The following RASSF2 variants were observed in gnomAD, a reference collection of about 807,000 sequenced individuals.
RASSF2 encodes the protein ras association domain-containing protein 2.
RASSF2 carries 34 observed loss-of-function variants against 46.3 expected under a neutral mutation model. The observed-to-expected ratio is 0.73, with a 90% CI of 0.56 to 0.98. The LOEUF is 0.98. Ranked by LOEUF, RASSF2 falls within the 50% of genes least tolerant of loss-of-function variation. RASSF2 has a pLI of 0.00. For synonymous variants in RASSF2, 158 were observed against 162.5 expected (o/e 0.97, Z 0.21); for missense variants, 364 against 431.2 (o/e 0.84, Z 1.38).
rs1460237708 is a variant in RASSF2, at chr20:4,812,284, C to T, written c.-33+10045G>A. ...CCATCACTGCCTGGACTCCTTTAAC[C>T]CCTACACCAACCTCATTACGAAAGA... On this transcript the variant is annotated intron_variant, in intron 2 of 11. Transcript: ENST00000379400. This position sits in a 1 kb window ranked among gnomAD's most constrained non-coding sequence, Gnocchi z 4.0. Among the ~76,000 whole-genome samples the T allele has an allele frequency of 6.6e-6, 1 of 152,202 alleles. No individual in the cohort carries two copies. Among genetic ancestry groups the T allele is most frequent in the Non-Finnish European group, 1.5e-5 (1 of 68,040 alleles).
Position 4,788,214 on chromosome 20 carries a change from T to TA in RASSF2, c.691+2dup. 6.3e-7 allele frequency: 1 copy of TA among 1,589,746 alleles called. No individual in the cohort carries two copies. Among genetic ancestry groups the TA allele is most frequent in the Non-Finnish European group, 8.6e-7 (1 of 1,157,856 alleles). On this transcript the variant is annotated splice_region_variant and intron_variant, in intron 9 of 11. Coordinates refer to ENST00000379400, the MANE Select transcript of RASSF2 (RefSeq NM_014737.3). Reference sequence around the variant, plus strand: ...TAAAGTACACTGTGGTCTTCAGACTTACCACCACTCGTATGGACCACGTAC... The same window carrying TA: ...TAAAGTACACTGTGGTCTTCAGACTTAACCACCACTCGTATGGACCACGTAC...
chr20:4,790,668 G>T lies in RASSF2; in HGVS notation c.377-57C>A. On this transcript the variant is annotated intron_variant, in intron 6 of 11. Transcript: ENST00000379400. This position sits in a 1 kb window ranked among gnomAD's most constrained non-coding sequence, Gnocchi z 4.3. ...GTCTGGACCTGGGACATGGCACATG[G>T]TCCCCAATTTGTGGCCAGTGCGACA... 6.9e-7 allele frequency: 1 copy of T among 1,441,740 alleles called. No homozygotes were observed. Among genetic ancestry groups the T allele is most frequent in the Non-Finnish European group, 9.2e-7 (1 of 1,089,758 alleles). The allele number at this position is 1,441,740 out of a possible 1,614,324, so 89.3% of individuals were successfully genotyped here.
In RASSF2 at chr20:4,784,003, T is replaced by G. The variant is rs895544837; in HGVS notation, c.*270A>C. ...GGTAGGCACATGGACACGTACCATGTGTGCACACACATGTACACACACACA... is the reference window on the plus strand; with the variant it reads ...GGTAGGCACATGGACACGTACCATGGGTGCACACACATGTACACACACACA... On this transcript the variant is annotated 3_prime_UTR_variant, in exon 12 of 12. Transcript: ENST00000379400. 4.2e-6 allele frequency: 2 copies of G among 475,756 alleles called. No individual in the cohort carries two copies. Among genetic ancestry groups the G allele is most frequent in the African/African-American group, 1.9e-5 (1 of 51,718 alleles). The allele number at this position is 475,756 out of a possible 1,614,324, so 29.5% of individuals were successfully genotyped here. A position where few individuals can be genotyped will look rare whatever the true frequency, so the allele number is the denominator to read the frequency against.
Position 4,780,991 on chromosome 20 carries a change from G to C in RASSF2, c.*3282C>G, listed in dbSNP as rs955965694. 1 of 149,936 alleles carries C rather than the reference G, an allele frequency of 6.7e-6. No individual in the cohort carries two copies. The highest frequency in any genetic ancestry group is 1.5e-5 in the Non-Finnish European group (1 of 67,058). 9.3% of individuals were successfully genotyped at this position (149,936 alleles called of 1,614,324 possible). On this transcript the variant is annotated 3_prime_UTR_variant, in exon 12 of 12. Transcript: ENST00000379400. Reference sequence around the variant, plus strand: ...CTCAAAAAAAAAAAAAAGAAAGAAAGAAACCTCTCTCGGCGATGTATCTGT... The same window carrying C: ...CTCAAAAAAAAAAAAAAGAAAGAAACAAACCTCTCTCGGCGATGTATCTGT...
At chr20:4,798,171 C>T (rs962964984) in intron 3 of RASSF2, 86 bp from the exon 4 acceptor site, 1 of 1,555,488 alleles carries the variant, frequency 6.4e-7, no homozygotes, top group Non-Finnish European at 8.7e-7. Flanking sequence ...CACCTCTCAC[C>T]TGGCCTTCAG....
At chr20:4,804,226 T>C (rs187092568) in intron 2 of RASSF2, among the ~76,000 whole-genome samples, 245 of 152,120 alleles carry the variant, frequency 1.6e-3, no homozygotes, top group African/African-American at 5.4e-3. Flanking sequence ...TTGGTCTCTC[T>C]AAATTTTAAA....
rs200446635 is a variant in RASSF2 at position 4,798,056 on chromosome 20, T to C, written c.89A>G (p.Tyr30Cys). The C allele has an allele frequency of 2.4e-4, 382 of 1,613,826 alleles. No homozygotes were observed. The highest frequency in any genetic ancestry group is 3.0e-4 in the Non-Finnish European group (357 of 1,179,896). Reference protein sequence around the residue: ...KNELLLHLKTYNLYYEGQNLQ... With the variant: ...KNELLLHLKTCNLYYEGQNLQ... ...ATTCTGGCCTTCATAGTACAAGTTG[T>C]AGGTCTTCAGATGCAAGAGAAGTTC... The change falls in exon 4 of 12, where the codon TAC (tyrosine) becomes TGC (cysteine). Residue 30 changes from tyrosine (Y) to cysteine (C), a missense_variant. Coordinates refer to ENST00000379400, the MANE Select transcript of RASSF2 (RefSeq NM_014737.3).
chr20:4,802,666 G>A (rs1405401162), intron 2 of RASSF2, among the ~76,000 whole-genome samples: 1 of 151,962 alleles, frequency 6.6e-6, no homozygotes, highest in African/African-American at 2.4e-5. Flanking sequence ...AAAGTAGAAC[G>A]GTGGTTGCCA....
chr20:4,795,983 C>CA lies in RASSF2; in HGVS notation c.136-18dup. On this transcript the variant is annotated splice_polypyrimidine_tract_variant and intron_variant, in intron 4 of 11. Transcript: ENST00000379400. This position sits in a 1 kb window ranked among gnomAD's most constrained non-coding sequence, Gnocchi z 4.0. ...GTCTTCTTCCTGCCCACAAAGCAATCAGAGTAGTGAGCCTAGAAAAGCCCC... is the reference window on the plus strand; with the variant it reads ...GTCTTCTTCCTGCCCACAAAGCAATCAAGAGTAGTGAGCCTAGAAAAGCCCC... The CA allele has an allele frequency of 6.7e-7, 1 of 1,496,752 alleles. No homozygotes were observed. Among genetic ancestry groups the CA allele is most frequent in the Non-Finnish European group, 8.9e-7 (1 of 1,117,628 alleles). 92.7% of individuals were successfully genotyped at this position (1,496,752 alleles called of 1,614,324 possible).
At chr20:4,821,789 C>G (rs1483157834) in intron 2 of RASSF2, among the ~76,000 whole-genome samples, 1 of 152,052 alleles carries the variant, frequency 6.6e-6, no homozygotes, top group Non-Finnish European at 1.5e-5. Flanking sequence ...CCAAGCTCAG[C>G]CATCATTTGA....
rs1367727610 is a variant in RASSF2 at position 4,812,844 on chromosome 20, TGAGCGCTG to T, written c.-33+9477_-33+9484del. Among the ~76,000 whole-genome samples the T allele has an allele frequency of 6.6e-6, 1 of 152,204 alleles. No individual in the cohort carries two copies. The highest frequency in any genetic ancestry group is 1.5e-5 in the Non-Finnish European group (1 of 68,032). ...CCCAGTGCTCCTGTGGCTCTCTGGC[TGAGCGCTG>T]GATCTGAGAGGGCCACTATGCGAGT... is the stretch of plus-strand genomic sequence containing the variant. On this transcript the variant is annotated intron_variant, in intron 2 of 11. Coordinates refer to ENST00000379400, the MANE Select transcript of RASSF2 (RefSeq NM_014737.3). The surrounding 1 kb of genome is among the most constrained non-coding windows in gnomAD (Gnocchi z 4.0).
At position 4,790,561 on chromosome 20, in the gene RASSF2, T is replaced by C. The variant is rs994162749; in HGVS notation, c.427A>G (p.Thr143Ala). The C allele has an allele frequency of 5.2e-6, 8 of 1,538,946 alleles. No individual in the cohort carries two copies. Among genetic ancestry groups the C allele is most frequent in the Non-Finnish European group, 7.0e-6 (8 of 1,150,876 alleles). Residue 143 changes from threonine to alanine, a missense_variant, in exon 7 of 12, where the codon ACA becomes GCA. Physicochemically the swap from Thr to Ala is moderately conservative, Grantham distance 58. Transcript: ENST00000379400. The surrounding 1 kb of genome is among the most constrained non-coding windows in gnomAD (Gnocchi z 4.3). ...LQEDTPQLMR[T>A]RSDVGVRRRG... ...CGACGCACCCCAACATCACTGCGTG[T>C]GCGCATCAGCTGTGGGGTGTCCTCC...
At chr20:4,806,167 C>A (rs1927327350) in intron 2 of RASSF2, among the ~76,000 whole-genome samples, 1 of 152,268 alleles carries the variant, frequency 6.6e-6, no homozygotes, top group East Asian at 1.9e-4. Flanking sequence ...ACCAAGGAAG[C>A]CCAGGAAACA....
intron 2 of RASSF2, among the ~76,000 whole-genome samples, chr20:4,811,785 GA>G (rs953380934): frequency 1.3e-5 from 2 of 151,982 alleles, no homozygotes; most frequent in African/African-American, 4.8e-5. Context: ...TGATGCAAAG[GA>G]AACGCTCACT....
intron 3 of RASSF2, 53 bp downstream of exon 3, chr20:4,800,919 T>C: frequency 6.7e-7 from 1 of 1,489,060 alleles, no homozygotes; most frequent in South Asian, 1.1e-5. Flanking sequence ...ACCCACAACA[T>C]CCCAGCACGG....
At chr20:4,808,009 C>T (rs1035295856) in intron 2 of RASSF2, among the ~76,000 whole-genome samples, 3 of 152,154 alleles carry the variant, frequency 2.0e-5, no homozygotes, top group South Asian at 2.1e-4. Context: ...AACAGAGGGC[C>T]GGAAATTCAC....
At chr20:4,786,187 G>A in intron 11 of RASSF2, 44 bp downstream of exon 11, 1 of 1,484,240 alleles carries the variant, frequency 6.7e-7, no homozygotes, top group Non-Finnish European at 9.4e-7. Flanking sequence ...CCTCTGTTGA[G>A]GCCCCAGGAG....
chr20:4,822,035 C>G (rs937315863), intron 2 of RASSF2, among the ~76,000 whole-genome samples: 1 of 152,244 alleles, frequency 6.6e-6, no homozygotes, highest in African/African-American at 2.4e-5. Flanking sequence ...CCCGATATAT[C>G]TTCGCCATGC....
intron 5 of RASSF2, among the ~76,000 whole-genome samples, chr20:4,794,149 G>T (rs146746758): frequency 6.6e-6 from 1 of 152,326 alleles, no homozygotes; most frequent in African/African-American, 2.4e-5. Context: ...GTACAGCTGG[G>T]CATGGTGGCT....
Sources: allele counts gnomAD v4.1 joint callset (sites outside exome capture counted in the v4.1 genomes callset), GRCh38; gene constraint gnomAD v4.1.1; non-coding constraint Gnocchi (gnomAD v3.1); transcripts MANE v1.5; gene names NCBI Gene and HGNC (gene_info 2026-07-23, HGNC 2026-07-21).